Variants in LDLRAD3 observed in about 807,000 individuals in gnomAD.
The protein encoded by LDLRAD3 is low-density lipoprotein receptor class A domain-containing protein 3.
In LDLRAD3, 20 loss-of-function variants were observed where a neutral mutation model predicts 29.4. That is an observed-to-expected ratio of 0.68 (90% CI 0.48 to 0.99). The LOEUF is 0.99. LDLRAD3 is among the 50% of genes least tolerant of loss of function. LDLRAD3 has a pLI of 0.00. For missense variants in LDLRAD3, 420 were observed against 454.3 expected (o/e 0.92, Z 0.69); for synonymous variants, 157 against 192.7 (o/e 0.81, Z 1.53).
At chr11:36,102,260 C>T (rs1853461299) in intron 4 of LDLRAD3, among the ~76,000 whole-genome samples, 1 of 152,188 alleles carries the variant, frequency 6.6e-6, no homozygotes, top group African/African-American at 2.4e-5. Flanking sequence ...CATGAGCTCA[C>T]TTAGTCAAAC....
chr11:36,164,506 A>G (rs181111501), intron 4 of LDLRAD3, among the ~76,000 whole-genome samples: 6 of 152,382 alleles, frequency 3.9e-5, no homozygotes, highest in Non-Finnish European at 8.8e-5. Flanking sequence ...TTAAGTGTAC[A>G]AACTTGCCAA....
rs191134485 is a variant in LDLRAD3 at position 36,187,966 on chromosome 11, C to T, written c.455-39119C>T. On this transcript the variant is annotated intron_variant, in intron 4 of 5. Coordinates refer to ENST00000315571, the MANE Select transcript of LDLRAD3 (RefSeq NM_174902.4). ...TTTGAAGTGCTTTCACAGTCATTAT[C>T]CTGTTTGATCCTACTAAGAACCCTG... Among the ~76,000 whole-genome samples, 24 of 152,216 alleles carry T rather than the reference C, an allele frequency of 1.6e-4. 1 individual carries two copies. Among genetic ancestry groups the T allele is most frequent in the African/African-American group, 5.8e-4 (24 of 41,510 alleles).
intron 4 of LDLRAD3, among the ~76,000 whole-genome samples, chr11:36,124,338 C>T (rs1042012426): frequency 6.6e-6 from 1 of 152,310 alleles, no homozygotes; most frequent in Admixed American, 6.5e-5. Context: ...AAGCAATATA[C>T]TATATGCCAG....
chr11:36,168,302 A>G (rs971119357), intron 4 of LDLRAD3, among the ~76,000 whole-genome samples: 22 of 152,160 alleles, frequency 1.4e-4, no homozygotes, highest in African/African-American at 5.1e-4. Context: ...CTGGCATAGC[A>G]CTAAGCTTGA....
chr11:36,072,604 G>T (rs1420441287), intron 2 of LDLRAD3, among the ~76,000 whole-genome samples: 1 of 152,246 alleles, frequency 6.6e-6, no homozygotes, highest in Non-Finnish European at 1.5e-5. Flanking sequence ...CCTGCCTAAA[G>T]TGTAGTGTAG....
intron 1 of LDLRAD3, among the ~76,000 whole-genome samples, chr11:36,003,507 C>T (rs1324265602): frequency 6.6e-6 from 1 of 152,124 alleles, no homozygotes; most frequent in Non-Finnish European, 1.5e-5. Context: ...CTGTGACATC[C>T]TGTCTCTTGG....
At chr11:36,076,455 C>G (rs1169516469) in intron 2 of LDLRAD3, among the ~76,000 whole-genome samples, 1 of 151,896 alleles carries the variant, frequency 6.6e-6, no homozygotes, top group Non-Finnish European at 1.5e-5. Context: ...GGCACAATCT[C>G]AGCTCACTGC....
chr11:36,022,664 T>C (rs1590211156), intron 1 of LDLRAD3, among the ~76,000 whole-genome samples: 1 of 152,290 alleles, frequency 6.6e-6, no homozygotes, highest in East Asian at 1.9e-4. Flanking sequence ...TAGAATTCAG[T>C]GTATGGGCTC....
intron 1 of LDLRAD3, among the ~76,000 whole-genome samples, chr11:36,031,397 T>G (rs1852234362): frequency 6.6e-6 from 1 of 152,196 alleles, no homozygotes. Context: ...GTCCCTTATT[T>G]TAACTATGTA....
intron 1 of LDLRAD3, among the ~76,000 whole-genome samples, chr11:36,007,480 T>C (rs898559740): frequency 6.6e-6 from 1 of 152,196 alleles, no homozygotes; most frequent in African/African-American, 2.4e-5. Flanking sequence ...TGGTTAATCA[T>C]GTTTCCTTTG....
chr11:36,135,649 G>A (rs1300260407), intron 4 of LDLRAD3, among the ~76,000 whole-genome samples: 3 of 152,140 alleles, frequency 2.0e-5, no homozygotes, highest in Admixed American at 6.5e-5. Flanking sequence ...GGTGGCTCAC[G>A]CTGTAACCCC....
chr11:36,125,663 G>A (rs1853825944), intron 4 of LDLRAD3, among the ~76,000 whole-genome samples: 1 of 152,168 alleles, frequency 6.6e-6, no homozygotes, highest in African/African-American at 2.4e-5. Context: ...TCTTTAAGGT[G>A]TGCTGATCTC....
chr11:35,979,772 T>G (rs967086850), intron 1 of LDLRAD3, among the ~76,000 whole-genome samples: 19 of 152,180 alleles, frequency 1.2e-4, no homozygotes, highest in Admixed American at 5.9e-4. Context: ...TGTTGAGAGA[T>G]GTGGTGGTTG....
At chr11:36,149,551 G>A (rs560786618) in intron 4 of LDLRAD3, among the ~76,000 whole-genome samples, 13 of 152,210 alleles carry the variant, frequency 8.5e-5, no homozygotes, top group Non-Finnish European at 1.5e-4. Flanking sequence ...GCTGGTGAGA[G>A]ATGAGGATGA....
chr11:36,186,108 A>G (rs189478221), intron 4 of LDLRAD3, among the ~76,000 whole-genome samples: 1 of 152,340 alleles, frequency 6.6e-6, no homozygotes, highest in Non-Finnish European at 1.5e-5. Context: ...CCCTGGAGTC[A>G]CCAACTGCCT....
intron 1 of LDLRAD3, among the ~76,000 whole-genome samples, chr11:35,994,326 G>A: frequency 1.0e-5 from 1 of 100,474 alleles, no homozygotes; most frequent in African/African-American, 3.9e-5. Context: ...GACAGAGAGA[G>A]ACTTTGTCTC....
At chr11:36,123,321 C>T (rs1460591194) in intron 4 of LDLRAD3, among the ~76,000 whole-genome samples, 2 of 152,196 alleles carry the variant, frequency 1.3e-5, no homozygotes, top group African/African-American at 4.8e-5. Context: ...TGAACCCAGC[C>T]TAGAGCTCAG....
chr11:36,212,737 C>T (rs757863958), intron 4 of LDLRAD3, among the ~76,000 whole-genome samples: 2 of 152,148 alleles, frequency 1.3e-5, no homozygotes, highest in Non-Finnish European at 2.9e-5. Flanking sequence ...TACAGCAGCT[C>T]TTAGCAGGCT....
chr11:36,116,320 G>A (rs975841717), intron 4 of LDLRAD3, among the ~76,000 whole-genome samples: 1 of 152,146 alleles, frequency 6.6e-6, no homozygotes, highest in African/African-American at 2.4e-5. Flanking sequence ...CAAGAAGCCA[G>A]CGTCCCAGCT....
Sources: allele counts gnomAD v4.1 joint callset (sites outside exome capture counted in the v4.1 genomes callset), GRCh38; gene constraint gnomAD v4.1.1; transcripts MANE v1.5; gene names NCBI Gene and HGNC (gene_info 2026-07-23, HGNC 2026-07-21).